NRXN1: variants seen among roughly 807,000 people sequenced by gnomAD.
NRXN1 encodes the protein neurexin 1.
A neutral mutation model predicts 150.9 loss-of-function variants in NRXN1; 39 were observed. The observed-to-expected ratio is 0.26, with a 90% CI of 0.20 to 0.34. NRXN1 has a LOEUF of 0.34. NRXN1 is among the 10% of genes least tolerant of loss of function. The pLI is 1.00. For missense variants in NRXN1, 1,815 were observed against 1,949.9 expected (o/e 0.93, Z 1.30); for synonymous variants, 924 against 757.0 (o/e 1.22, Z -3.62).
intron 12 of NRXN1, among the ~76,000 whole-genome samples, chr2:50,516,678 C>T (rs1288166900): frequency 1.3e-5 from 2 of 152,084 alleles, no homozygotes; most frequent in African/African-American, 4.8e-5. Context: ...TTCTCTATTC[C>T]TCCTCAAGTG....
At chr2:50,219,936 T>TTATATA (rs1553775989) in intron 18 of NRXN1, among the ~76,000 whole-genome samples, 2 of 93,804 alleles carry the variant, frequency 2.1e-5, no homozygotes, top group African/African-American at 1.0e-4. Flanking sequence ...ATTATATATA[T>TTATATA]TATATATTAT....
chr2:50,220,244 A>C (rs544125538), intron 18 of NRXN1, among the ~76,000 whole-genome samples: 13 of 151,494 alleles, frequency 8.6e-5, no homozygotes, highest in African/African-American at 2.7e-4. Context: ...AAGGAAATTA[A>C]TTCTGGTTGT....
intron 9 of NRXN1, among the ~76,000 whole-genome samples, chr2:50,542,184 G>T (rs745550335): frequency 2.0e-5 from 3 of 152,170 alleles, no homozygotes; most frequent in Non-Finnish European, 4.4e-5. Flanking sequence ...GGGAGGCTGA[G>T]GCAGGAGAAT....
intron 17 of NRXN1, among the ~76,000 whole-genome samples, chr2:50,406,042 G>A (rs1403074791): frequency 6.6e-6 from 1 of 152,068 alleles, no homozygotes; most frequent in Admixed American, 6.6e-5. Context: ...TCAAGATTAA[G>A]TTTAGGTAGT....
intron 17 of NRXN1, among the ~76,000 whole-genome samples, chr2:50,411,379 C>A (rs1336601057): frequency 3.3e-5 from 5 of 152,196 alleles, no homozygotes; most frequent in African/African-American, 1.2e-4. Flanking sequence ...CTCGCTACAA[C>A]CTCCACCTCC....
At chr2:51,023,392 T>C (rs1669931636) in intron 2 of NRXN1, among the ~76,000 whole-genome samples, 1 of 152,222 alleles carries the variant, frequency 6.6e-6, no homozygotes, top group African/African-American at 2.4e-5. Context: ...TAGAGCTCCA[T>C]GCTTAAGGCA....
At chr2:50,674,394 C>T (rs1418804732) in intron 5 of NRXN1, among the ~76,000 whole-genome samples, 1 of 152,098 alleles carries the variant, frequency 6.6e-6, no homozygotes, top group African/African-American at 2.4e-5. Flanking sequence ...ATGACTCAGG[C>T]AGGCAGAAAC....
intron 17 of NRXN1, among the ~76,000 whole-genome samples, chr2:50,404,841 G>A (rs1307273852): frequency 1.3e-5 from 2 of 152,082 alleles, no homozygotes. Context: ...TTCAGTCAGA[G>A]AGAAAGGATC....
Position 50,848,825 on chromosome 2 carries a change from G to A in NRXN1, c.832+73044C>T, listed in dbSNP as rs1210700041. Reference sequence around the variant, plus strand: ...TGGAGGGAAAGAACTCCAGGGATTAGTGCATAAACTGGCTGCTTTAAGGAG... The same window carrying A: ...TGGAGGGAAAGAACTCCAGGGATTAATGCATAAACTGGCTGCTTTAAGGAG... On this transcript the variant is annotated intron_variant, in intron 5 of 22. Coordinates refer to ENST00000401669, the MANE Select transcript of NRXN1 (RefSeq NM_001330078.2). 3.3e-5 allele frequency among the ~76,000 whole-genome samples: 5 copies of A among 152,128 alleles called. 1 individual carries two copies. The East Asian group carries it at 9.7e-4, about 29-fold the overall frequency.
intron 17 of NRXN1, among the ~76,000 whole-genome samples, chr2:50,330,723 T>C (rs760801271): frequency 6.6e-6 from 1 of 152,234 alleles, no homozygotes; most frequent in Non-Finnish European, 1.5e-5. Flanking sequence ...GTGGAAAACT[T>C]GTTCAGTTTC....
intron 21 of NRXN1, chr2:49,973,743 A>G: frequency 1.8e-6 from 1 of 542,810 alleles, no homozygotes; most frequent in Non-Finnish European, 3.2e-6. Flanking sequence ...GGGTTTAAGG[A>G]CATTTTAAAA....
chr2:51,005,859 A>C (rs1381880191), intron 2 of NRXN1, among the ~76,000 whole-genome samples: 3 of 151,880 alleles, frequency 2.0e-5, no homozygotes, highest in African/African-American at 7.2e-5. Flanking sequence ...GGATTAAAAC[A>C]AAAATGACCC....
chr2:49,922,247 G>A lies in NRXN1; in HGVS notation c.4221C>T (p.Asn1407=), dbSNP rs775073301. The change falls in exon 23 of 23, where the codon AAC becomes AAT. Residue 1407 remains asparagine (N), a synonymous_variant. Coordinates refer to ENST00000401669, the MANE Select transcript of NRXN1 (RefSeq NM_001330078.2). ...PCEPSSGGLA[N]PTRAGGREPY... is the part of the protein sequence containing the mutation. ...GCTCTCTGCCGCCTGCTCGGGTTGG[G>A]TTGGCTATAGAAAAGAGGATGAGAA... is the stretch of plus-strand genomic sequence containing the variant. The A allele has an allele frequency of 3.1e-6, 5 of 1,613,022 alleles. No individual in the cohort carries two copies. In the South Asian group the frequency reaches 4.4e-5, roughly 14 times the overall value.
intron 21 of NRXN1, among the ~76,000 whole-genome samples, chr2:49,988,578 A>T (rs1681361224): frequency 6.7e-6 from 1 of 149,054 alleles, no homozygotes; most frequent in African/African-American, 2.5e-5. Flanking sequence ...TAGACATTTT[A>T]CCCTCCTTAA....
chr2:50,718,853 A>G (rs563948613), intron 5 of NRXN1, among the ~76,000 whole-genome samples: 16 of 152,030 alleles, frequency 1.1e-4, no homozygotes, highest in African/African-American at 3.9e-4. Context: ...TCTCCCTCTC[A>G]TCCTCCATCT....
At chr2:50,578,528 T>A (rs1671772506) in intron 8 of NRXN1, among the ~76,000 whole-genome samples, 1 of 152,172 alleles carries the variant, frequency 6.6e-6, no homozygotes, top group South Asian at 2.1e-4. Context: ...TAGTACAATA[T>A]CACAACCAGG....
intron 17 of NRXN1, among the ~76,000 whole-genome samples, chr2:50,354,246 G>GA (rs2078628122): frequency 1.3e-5 from 2 of 151,840 alleles, no homozygotes; most frequent in Admixed American, 6.6e-5. Context: ...ACTACAGTTA[G>GA]AAAAAAATAT....
At chr2:50,320,929 G>A (rs913593405) in intron 17 of NRXN1, among the ~76,000 whole-genome samples, 2 of 152,148 alleles carry the variant, frequency 1.3e-5, no homozygotes, top group South Asian at 2.1e-4. Context: ...CACACCTTCT[G>A]TCATGCCAAA....
intron 8 of NRXN1, among the ~76,000 whole-genome samples, chr2:50,595,542 T>C (rs990535361): frequency 7.9e-5 from 12 of 152,084 alleles, no homozygotes; most frequent in Non-Finnish European, 1.3e-4. Flanking sequence ...ATTTATAGCA[T>C]TGCAAAGATG....
Sources: gnomAD v4.1 joint callset for allele counts (sites outside exome capture counted in the v4.1 genomes callset) on GRCh38, gnomAD v4.1.1 for gene constraint, MANE v1.5 for transcripts, NCBI Gene and HGNC (gene_info 2026-07-23, HGNC 2026-07-21) for gene names.